The following PHKA1 variants were observed in gnomAD, a reference collection of about 807,000 sequenced individuals.
PHKA1 encodes the protein phosphorylase kinase regulatory subunit alpha 1.
PHKA1 carries 60 observed loss-of-function variants against 110.2 expected under a neutral mutation model. The ratio of observed to expected loss-of-function variants is 0.54; its 90% CI spans 0.44 to 0.68. PHKA1 has a LOEUF of 0.68. Ranked by LOEUF, PHKA1 falls within the 30% of genes least tolerant of loss-of-function variation. The pLI is 0.00. For missense variants in PHKA1, 801 were observed against 942.5 expected, an observed-to-expected ratio of 0.85 and a Z score of 1.97; for synonymous variants, 316 against 333.6, an observed-to-expected ratio of 0.95 and a Z score of 0.58.
intron 4 of PHKA1, among the ~76,000 whole-genome samples, chrX:72,695,081 C>T (rs1390092523): frequency 5.4e-5 from 6 of 110,581 alleles, no homozygotes; most frequent in Non-Finnish European, 1.1e-4. Flanking sequence ...GAGGGAATTC[C>T]CACCCTGGAT....
At position 72,605,123 on chromosome X, in the gene PHKA1, A is replaced by C. The variant is rs968772784; in HGVS notation, c.2815+148T>G. On this transcript the variant is annotated intron_variant, in intron 25 of 31. Transcript: ENST00000373542. ...TCATATCAGCTCCTTGACTTGCATA[A>C]ATAGTGACCAACAGGGGAACAAGGT... The C allele has an allele frequency of 1.3e-4, 66 of 524,855 alleles. No homozygotes were observed. In the African/African-American group the frequency reaches 1.5e-3, roughly 12 times the overall value. 43.3% of individuals were successfully genotyped at this position (524,855 alleles called of 1,213,427 possible).
rs944949884 is a variant in PHKA1, at chrX:72,665,011, T to C, written c.864+1140A>G. Reference sequence around the variant, plus strand: ...AACCTAATGATGAACCTCAAGGAATTAGAAAAGAACAAACAGAACCCAAAA... The same window carrying C: ...AACCTAATGATGAACCTCAAGGAATCAGAAAAGAACAAACAGAACCCAAAA... On this transcript the variant is annotated intron_variant, in intron 8 of 31. Transcript: ENST00000373542. Among the ~76,000 whole-genome samples, 11 of 109,722 alleles carry C rather than the reference T, an allele frequency of 1.0e-4. No individual in the cohort carries two copies. The Admixed American group carries it at 1.1e-3, about 11-fold the overall frequency.
At chrX:72,711,741 TCAA>T (rs2054388170) in intron 2 of PHKA1, among the ~76,000 whole-genome samples, 2 of 111,530 alleles carry the variant, frequency 1.8e-5, no homozygotes, top group South Asian at 7.5e-4. Flanking sequence ...AGACTCCGTC[TCAA>T]CAACAACAAA....
intron 29 of PHKA1, among the ~76,000 whole-genome samples, chrX:72,589,124 A>T (rs970921373): frequency 8.9e-6 from 1 of 111,821 alleles, no homozygotes; most frequent in Non-Finnish European, 1.9e-5. Context: ...GACACAACAA[A>T]AAAAGAGAAT....
At chrX:72,681,239 C>A (rs1422528376) in intron 5 of PHKA1, among the ~76,000 whole-genome samples, 1 of 96,719 alleles carries the variant, frequency 1.0e-5, no homozygotes, top group Non-Finnish European at 2.1e-5. Flanking sequence ...AGGTGAGGAG[C>A]GTCTCTGCCT....
intron 16 of PHKA1, among the ~76,000 whole-genome samples, chrX:72,631,052 C>T (rs4825953): frequency 0.093 from 6,025 of 65,046 alleles, 797 homozygotes; most frequent in East Asian, 0.73. Flanking sequence ...GTGATTTCTA[C>T]AGTTCTGTAT....
At chrX:72,593,432 C>T (rs1453845052) in intron 28 of PHKA1, 158 bp from the exon 29 acceptor site, 3 of 444,264 alleles carry the variant, frequency 6.8e-6, no homozygotes, top group Non-Finnish European at 1.2e-5. Context: ...AGCTCTGCCT[C>T]CCGGGTTCAT....
At chrX:72,591,817 G>T (rs868945709) in intron 29 of PHKA1, among the ~76,000 whole-genome samples, 1 of 112,133 alleles carries the variant, frequency 8.9e-6, no homozygotes, top group African/African-American at 3.2e-5. Context: ...GTTTATGAAT[G>T]ATTTAAAACA....
At chrX:72,686,869 C>G (rs1424144197) in intron 4 of PHKA1, among the ~76,000 whole-genome samples, 1 of 111,874 alleles carries the variant, frequency 8.9e-6, no homozygotes, top group Non-Finnish European at 1.9e-5. Context: ...CTAAATACTT[C>G]ATCATGTATA....
chrX:72,615,258 G>A (rs1367406098), intron 21 of PHKA1, among the ~76,000 whole-genome samples: 24 of 111,593 alleles, frequency 2.2e-4, no homozygotes, highest in African/African-American at 7.2e-4. Context: ...GCTAAAGGGA[G>A]TTCTTCAAGA....
rs188128546 is a variant in PHKA1, at chrX:72,653,354, A to T, written c.1137+81T>A. 516 of 600,407 alleles carry T rather than the reference A, an allele frequency of 8.6e-4. 1 individual carries two copies. The African/African-American group carries it at 1.0e-2, about 12-fold the overall frequency. The allele number at this position is 600,407 out of a possible 1,213,427, so 49.5% of individuals were successfully genotyped here. A position where few individuals can be genotyped will look rare whatever the true frequency, so the allele number is the denominator to read the frequency against. On this transcript the variant is annotated intron_variant, in intron 11 of 31. Coordinates refer to ENST00000373542, the MANE Select transcript of PHKA1 (RefSeq NM_002637.4). Reference sequence around the variant, plus strand: ...GAACAACAAAATAAGATTAAAAATTATTTGACTCAAATGAGGTAGTCTGAT... The same window carrying T: ...GAACAACAAAATAAGATTAAAAATTTTTTGACTCAAATGAGGTAGTCTGAT...
intron 29 of PHKA1, among the ~76,000 whole-genome samples, chrX:72,584,751 G>T (rs1198859045): frequency 4.8e-5 from 5 of 104,941 alleles, no homozygotes; most frequent in Middle Eastern, 5.0e-3. Flanking sequence ...TTTAACACTT[G>T]TTTTTTTTTT....
intron 14 of PHKA1, among the ~76,000 whole-genome samples, chrX:72,643,273 G>A (rs781896856): frequency 2.3e-4 from 26 of 110,814 alleles, no homozygotes; most frequent in Non-Finnish European, 4.5e-4. Context: ...ACACACGCGC[G>A]CACACACATA....
At chrX:72,669,951 G>A (rs1343063979) in intron 6 of PHKA1, among the ~76,000 whole-genome samples, 13 of 110,665 alleles carry the variant, frequency 1.2e-4, no homozygotes, top group South Asian at 3.9e-4. Context: ...CTGAGGAATC[G>A]CCACACTGAC....
intron 23 of PHKA1, among the ~76,000 whole-genome samples, chrX:72,607,276 T>C (rs1452065336): frequency 8.9e-6 from 1 of 111,853 alleles, no homozygotes; most frequent in Non-Finnish European, 1.9e-5. Flanking sequence ...GCTCTATTTT[T>C]AGCTTTTTTC....
At chrX:72,713,706 A>ACACACACACACACG in intron 1 of PHKA1, 97 bp downstream of exon 1, 1 of 630,968 alleles carries the variant, frequency 1.6e-6, no homozygotes, top group Non-Finnish European at 2.6e-6. Context: ...ACACACCCAC[A>ACACACACACACACG]CACGCACGCA....
At chrX:72,661,101 C>A (rs1176658880) in intron 8 of PHKA1, among the ~76,000 whole-genome samples, 1 of 111,942 alleles carries the variant, frequency 8.9e-6, no homozygotes, top group Non-Finnish European at 1.9e-5. Flanking sequence ...TGAAACATTC[C>A]ATGTTTTAAT....
intron 6 of PHKA1, among the ~76,000 whole-genome samples, chrX:72,673,955 CT>C (rs2053741445): frequency 1.3e-5 from 1 of 74,948 alleles, no homozygotes; most frequent in Admixed American, 1.6e-4. Context: ...TCCCTCCCCC[CT>C]CCCCCCACCC....
At chrX:72,582,770 G>A (rs782016084) in intron 30 of PHKA1, among the ~76,000 whole-genome samples, 172 bp from the exon 31 acceptor site, 1 of 112,022 alleles carries the variant, frequency 8.9e-6, no homozygotes, top group Admixed American at 9.4e-5. Flanking sequence ...ATCTGGCAAC[G>A]CATAACAAGA....
Sources: gnomAD v4.1 joint callset for allele counts (sites outside exome capture counted in the v4.1 genomes callset) on GRCh38, gnomAD v4.1.1 for gene constraint, MANE v1.5 for transcripts, NCBI Gene and HGNC (gene_info 2026-07-23, HGNC 2026-07-21) for gene names.